Variants in COL22A1 observed in about 807,000 individuals in gnomAD.
COL22A1 encodes the protein collagen type XXII alpha 1 chain.
Under a neutral mutation model 248.9 loss-of-function variants are expected in COL22A1, and 221 were observed. The observed-to-expected ratio is 0.89, with a 90% CI of 0.80 to 0.99. The LOEUF is 0.99. Ranked by LOEUF, COL22A1 falls within the 50% of genes least tolerant of loss-of-function variation. The pLI is 0.00. For missense variants in COL22A1, 2,240 were observed against 2,179.0 expected (o/e 1.03, Z -0.56); for synonymous variants, 891 against 793.4 (o/e 1.12, Z -2.07).
chr8:138,835,011 C>T (rs1035941434), intron 4 of COL22A1, among the ~76,000 whole-genome samples: 3 of 152,106 alleles, frequency 2.0e-5, no homozygotes, highest in Non-Finnish European at 4.4e-5. Context: ...AGGGGCGGCA[C>T]TGGAGAGGAA....
rs538807456 is a variant in COL22A1, at chr8:138,664,578, C to T, written c.3151-838G>A. On this transcript the variant is annotated intron_variant, in intron 41 of 64. Transcript: ENST00000303045. ...CAGGGTGCTCACTGGATAGTCCCCG[C>T]CCCTGTACACACCCTGCCTAAGACT... Among the ~76,000 whole-genome samples the T allele has an allele frequency of 3.3e-5, 5 of 152,176 alleles. No homozygotes were observed. The East Asian group carries it at 9.7e-4, about 30-fold the overall frequency.
At position 138,690,847 on chromosome 8, in the gene COL22A1, C is replaced by T. The variant is rs1309497590; in HGVS notation, c.2782G>A (p.Gly928Ser). ...PGAPGHVGAP[G>S]PSGPPGSVGA... ...ACACTTCCTGGAGGGCCACTGGGAC[C>T]GGGGGCACCGACATGTCCGGGAGCA... The change falls in exon 36 of 65, where the codon GGT (glycine) becomes AGT (serine). Residue 928 changes from glycine (G) to serine (S), a missense_variant. By Grantham distance (56) the Gly-to-Ser change is moderately conservative. Coordinates refer to ENST00000303045, the MANE Select transcript of COL22A1 (RefSeq NM_152888.3). The T allele has an allele frequency of 2.7e-5, 43 of 1,610,174 alleles. No homozygotes were observed. Among genetic ancestry groups the T allele is most frequent in the South Asian group, 6.7e-5 (6 of 90,164 alleles).
At chr8:138,769,098 T>C (rs764192198) in intron 16 of COL22A1, among the ~76,000 whole-genome samples, 2 of 152,104 alleles carry the variant, frequency 1.3e-5, no homozygotes, top group Non-Finnish European at 2.9e-5. Flanking sequence ...ACACGTAGGC[T>C]CTCCTTGTCC....
chr8:138,811,718 G>A (rs544635877), intron 9 of COL22A1, 81 bp downstream of exon 9: 1 of 1,564,122 alleles, frequency 6.4e-7, no homozygotes, highest in Non-Finnish European at 8.8e-7. Context: ...CCCCTGACCT[G>A]AAAGGCCACA....
chr8:138,796,168 T>A (rs1816502061), intron 12 of COL22A1, among the ~76,000 whole-genome samples: 1 of 152,148 alleles, frequency 6.6e-6, no homozygotes, highest in South Asian at 2.1e-4. Flanking sequence ...TAGGCTAACA[T>A]CTTAAGAGTA....
intron 26 of COL22A1, among the ~76,000 whole-genome samples, chr8:138,721,026 T>C (rs1435277985): frequency 6.6e-6 from 1 of 152,160 alleles, no homozygotes; most frequent in African/African-American, 2.4e-5. Flanking sequence ...TTGAGGAGAA[T>C]TGGCATTCTC....
chr8:138,741,053 C>A (rs1831517789), intron 22 of COL22A1, among the ~76,000 whole-genome samples: 2 of 152,190 alleles, frequency 1.3e-5, no homozygotes, highest in African/African-American at 4.8e-5. Flanking sequence ...GTCCAGGGTT[C>A]ACACCATCAT....
intron 10 of COL22A1, among the ~76,000 whole-genome samples, chr8:138,806,636 C>T (rs1817754160): frequency 6.6e-6 from 1 of 152,152 alleles, no homozygotes; most frequent in African/African-American, 2.4e-5. Flanking sequence ...TGCTGCTTGT[C>T]ACGCAGGGTT....
chr8:138,630,842 G>C, intron 49 of COL22A1, 94 bp from the exon 50 acceptor site: 1 of 1,095,358 alleles, frequency 9.1e-7, no homozygotes, highest in Non-Finnish European at 1.4e-6. Context: ...TGATATGGTT[G>C]GTTATCTGTC....
intron 60 of COL22A1, among the ~76,000 whole-genome samples, chr8:138,601,211 A>G (rs995910728): frequency 1.3e-5 from 2 of 151,858 alleles, no homozygotes; most frequent in Non-Finnish European, 2.9e-5. Flanking sequence ...CATGTCCCTC[A>G]TGTCCCTGGC....
chr8:138,854,211 C>T (rs1358310534), intron 3 of COL22A1, among the ~76,000 whole-genome samples: 2 of 152,088 alleles, frequency 1.3e-5, no homozygotes, highest in African/African-American at 4.8e-5. Context: ...AGGCTGATGG[C>T]CTCACTAAAG....
chr8:138,688,916 C>A lies in COL22A1; in HGVS notation c.2862+1G>T. 1 of 1,612,378 alleles carries A rather than the reference C, an allele frequency of 6.2e-7. No homozygotes were observed. ...GTGCTGAGAGATCATATTGGTCTTA[C>A]CTTCTCACCACGCTCCCCATCTTTC... On this transcript the variant is annotated splice_donor_variant, in intron 37 of 64. Transcript: ENST00000303045. LOFTEE classifies it high-confidence loss of function.
At chr8:138,793,562 A>G (rs917093374) in intron 12 of COL22A1, among the ~76,000 whole-genome samples, 3 of 152,198 alleles carry the variant, frequency 2.0e-5, no homozygotes, top group Non-Finnish European at 4.4e-5. Context: ...AAAAATATCA[A>G]CTGCAGGAAA....
chr8:138,634,938 A>G (rs1269812626), intron 49 of COL22A1, 72 bp downstream of exon 49: 2 of 1,009,666 alleles, frequency 2.0e-6, no homozygotes, highest in Admixed American at 3.5e-5. Flanking sequence ...GTGTCATACC[A>G]TGCCTGGTGA....
chr8:138,762,881 T>A (rs1372762338), intron 16 of COL22A1, among the ~76,000 whole-genome samples: 1 of 152,120 alleles, frequency 6.6e-6, no homozygotes, highest in African/African-American at 2.4e-5. Flanking sequence ...ATGCACCACA[T>A]CCCCAGCACT....
chr8:138,901,651 G>A (rs1349458557), intron 1 of COL22A1, among the ~76,000 whole-genome samples: 1 of 152,100 alleles, frequency 6.6e-6, no homozygotes, highest in African/African-American at 2.4e-5. Context: ...GCAGGCATGA[G>A]CCACCATGCC....
intron 41 of COL22A1, among the ~76,000 whole-genome samples, chr8:138,675,665 T>A (rs934979640): frequency 6.6e-6 from 1 of 152,230 alleles, no homozygotes; most frequent in Non-Finnish European, 1.5e-5. Context: ...GAGGGTATGA[T>A]GTCTTTATCA....
chr8:138,789,352 A>G (rs1303878388), intron 12 of COL22A1, among the ~76,000 whole-genome samples: 1 of 152,216 alleles, frequency 6.6e-6, no homozygotes, highest in Non-Finnish European at 1.5e-5. Context: ...TAATTATCGT[A>G]AAAATAGAAG....
intron 7 of COL22A1, 140 bp downstream of exon 7, chr8:138,820,996 G>T: frequency 2.2e-6 from 2 of 892,238 alleles, no homozygotes; most frequent in Admixed American, 2.8e-5. Flanking sequence ...CTGAGTCAGG[G>T]TCTTTCCTTC....
Sources: allele counts gnomAD v4.1 joint callset (sites outside exome capture counted in the v4.1 genomes callset), GRCh38; gene constraint gnomAD v4.1.1; transcripts MANE v1.5; gene names NCBI Gene and HGNC (gene_info 2026-07-23, HGNC 2026-07-21).